The following WAPL variants were observed in gnomAD, a reference collection of about 807,000 sequenced individuals.
WAPL encodes the protein wings apart-like protein homolog.
WAPL carries 5 observed loss-of-function variants against 121.0 expected under a neutral mutation model. The ratio of observed to expected loss-of-function variants is 0.04; its 90% CI spans 0.02 to 0.09. WAPL has a LOEUF of 0.09. WAPL is among the 10% of genes least tolerant of loss of function. WAPL has a pLI of 1.00. For missense variants in WAPL, 999 were observed against 1,410.8 expected (o/e 0.71, Z 4.68); for synonymous variants, 480 against 481.5 (o/e 1.00, Z 0.04).
intron 4 of WAPL, among the ~76,000 whole-genome samples, chr10:86,483,784 A>AAATTT (rs1554829982): frequency 7.6e-6 from 1 of 131,434 alleles, no homozygotes; most frequent in African/African-American, 2.9e-5. Flanking sequence ...AAAAAAAAAA[A>AAATTT]TTTTTTTTTC....
In WAPL at chr10:86,438,011, T is replaced by G. The variant is rs145142403; in HGVS notation, c.3416A>C (p.Asn1139Thr). 2 of 1,612,488 alleles carry G rather than the reference T, an allele frequency of 1.2e-6. No homozygotes were observed. Among genetic ancestry groups the G allele is most frequent in the Non-Finnish European group, 1.7e-6 (2 of 1,178,908 alleles). The stretch of plus-strand genomic sequence containing the variant: ...CAGATATTCCCGCACAGTGGTTACA[T>G]TGATCTGAGGAAACAGAGCAAGAAA... ...LGCLCQESPI[N>T]VTTVREYLPE... is the part of the protein sequence containing the mutation. Residue 1139 changes from asparagine (N) to threonine (T), a missense_variant, in exon 18 of 19, where the codon AAT becomes ACT. Physicochemically the swap from Asn to Thr is moderately conservative, Grantham distance 65. Coordinates refer to ENST00000298767, the MANE Select transcript of WAPL (RefSeq NM_015045.5).
chr10:86,453,905 C>T (rs1841067776), intron 12 of WAPL, 74 bp from the exon 13 acceptor site: 3 of 1,226,624 alleles, frequency 2.4e-6, no homozygotes, highest in Non-Finnish European at 2.1e-6. Context: ...TTTACTTGAA[C>T]CTAAAGGCTA....
Position 86,494,188 on chromosome 10 carries a change from A to T in WAPL, c.1644+3013T>A, listed in dbSNP as rs902412165. ...CAGTTTCACTTAAAGCCCTTAATGA[A>T]GGAATAAAAATAGTTAATTTTATTA... On this transcript the variant is annotated intron_variant, in intron 4 of 18. Transcript: ENST00000298767. Among the ~76,000 whole-genome samples, 4 of 152,300 alleles carry T rather than the reference A, an allele frequency of 2.6e-5. 1 individual carries two copies. Among genetic ancestry groups the T allele is most frequent in the Admixed American group, 2.6e-4 (4 of 15,306 alleles).
chr10:86,497,898 G>C (rs898049206), intron 3 of WAPL, among the ~76,000 whole-genome samples: 1 of 152,160 alleles, frequency 6.6e-6, no homozygotes, highest in East Asian at 1.9e-4. Flanking sequence ...CAAAGAGTCA[G>C]TTTATTTCCC....
At chr10:86,448,931 A>T (rs1401982233) in intron 15 of WAPL, among the ~76,000 whole-genome samples, 1 of 152,192 alleles carries the variant, frequency 6.6e-6, no homozygotes, top group East Asian at 1.9e-4. Flanking sequence ...CTGCACATTT[A>T]TTTTGATATA....
chr10:86,457,136 A>G (rs1007217649), intron 12 of WAPL, among the ~76,000 whole-genome samples: 1 of 152,156 alleles, frequency 6.6e-6, no homozygotes. Context: ...TAACTTCAAT[A>G]ATCTTTGGTA....
chr10:86,518,567 G>C (rs1842605815), intron 1 of WAPL, among the ~76,000 whole-genome samples: 1 of 152,208 alleles, frequency 6.6e-6, no homozygotes, highest in Admixed American at 6.5e-5. Context: ...AATTAGCTGG[G>C]AGTGGTGGCA....
At chr10:86,521,197 G>A (rs996889097) in intron 1 of WAPL, among the ~76,000 whole-genome samples, 168 bp downstream of exon 1, 4 of 152,220 alleles carry the variant, frequency 2.6e-5, no homozygotes, top group Admixed American at 6.5e-5. Context: ...CTCCGAAAAA[G>A]GAAAATAAAA....
rs886264729 is a variant in WAPL at position 86,517,715 on chromosome 10, T to C, written c.355A>G (p.Ile119Val). Residue 119 changes from isoleucine (I) to valine (V), a missense_variant, in exon 2 of 19, where the codon ATT becomes GTT. Transcript: ENST00000298767. The part of the protein sequence containing the change: ...VTSVLEANSK[I>V]SHVVVEDTVV... ...GTGTCTTCAACGACCACATGACTAA[T>C]TTTGCTATTAGCTTCAAGTACTGAA... 1 of 1,614,058 alleles carries C rather than the reference T, an allele frequency of 6.2e-7. No individual in the cohort carries two copies. The highest frequency in any genetic ancestry group is 1.3e-5 in the African/African-American group (1 of 74,938).
chr10:86,456,178 C>A (rs1420737200), intron 12 of WAPL, among the ~76,000 whole-genome samples: 1 of 152,090 alleles, frequency 6.6e-6, no homozygotes, highest in Non-Finnish European at 1.5e-5. Context: ...AGAGAAGGAC[C>A]TTAGTTAAGG....
intron 2 of WAPL, among the ~76,000 whole-genome samples, chr10:86,512,502 G>C (rs945993146): frequency 6.6e-6 from 1 of 152,172 alleles, no homozygotes; most frequent in African/African-American, 2.4e-5. Flanking sequence ...TTGCATAAAA[G>C]GCAAGAGAAG....
chr10:86,471,148 AC>A (rs764513994), intron 7 of WAPL, 45 bp from the exon 8 acceptor site: 6 of 1,542,106 alleles, frequency 3.9e-6, no homozygotes, highest in Non-Finnish European at 5.4e-6. Flanking sequence ...AACAGCTAGT[AC>A]ATTAGTTTTG....
intron 12 of WAPL, among the ~76,000 whole-genome samples, chr10:86,454,360 C>CTCTCCCTCTCCCTCTCCCTCCACAA (rs879865129): frequency 4.0e-5 from 6 of 151,570 alleles, no homozygotes; most frequent in Non-Finnish European, 5.9e-5. Flanking sequence ...AGGATTCTCG[C>CTCTCCCTCTCCCTCTCCCTCCACAA]TCTCCCTCTC....
At chr10:86,504,708 C>T (rs1043192732) in intron 2 of WAPL, among the ~76,000 whole-genome samples, 8 of 151,760 alleles carry the variant, frequency 5.3e-5, no homozygotes, top group African/African-American at 1.9e-4. Context: ...TATAGTCCCA[C>T]CTAGAGCTAC....
In WAPL at chr10:86,436,064, G is replaced by C. The variant is rs1199799304; in HGVS notation, c.*1479C>G. On this transcript the variant is annotated 3_prime_UTR_variant, in exon 19 of 19. Transcript: ENST00000298767. ...GAAGAAAACAATTTGCCTGGAATCA[G>C]TTACTTCCTTACAGATTTCCCAACA... The C allele has an allele frequency of 6.6e-6, 1 of 152,570 alleles. No homozygotes were observed. Among genetic ancestry groups the C allele is most frequent in the Non-Finnish European group, 1.5e-5 (1 of 68,024 alleles). The allele number at this position is 152,570 out of a possible 1,614,324, so 9.5% of individuals were successfully genotyped here. A position where few individuals can be genotyped will look rare whatever the true frequency, so the allele number is the denominator to read the frequency against.
At chr10:86,455,683 T>TAAAAAAAAAAA (rs539594893) in intron 12 of WAPL, among the ~76,000 whole-genome samples, 2 of 29,056 alleles carry the variant, frequency 6.9e-5, no homozygotes, top group Non-Finnish European at 1.5e-4. Flanking sequence ...CAATAAATAC[T>TAAAAAAAAAAA]AAAAAAAAAA....
At chr10:86,520,680 ATGAT>A (rs1022938397) in intron 1 of WAPL, among the ~76,000 whole-genome samples, 2 of 151,830 alleles carry the variant, frequency 1.3e-5, no homozygotes, top group Non-Finnish European at 2.9e-5. Context: ...AAAGGAAAGA[ATGAT>A]TGACGACTAA....
intron 7 of WAPL, among the ~76,000 whole-genome samples, chr10:86,471,894 C>G (rs1841540509): frequency 6.6e-6 from 1 of 152,010 alleles, no homozygotes; most frequent in Admixed American, 6.6e-5. Flanking sequence ...CTTGGCTTCC[C>G]AAAATGCTGG....
At chr10:86,499,623 A>T (rs2132220458) in intron 3 of WAPL, 95 bp downstream of exon 3, 1 of 1,290,982 alleles carries the variant, frequency 7.7e-7, no homozygotes, top group East Asian at 2.4e-5. Flanking sequence ...TCTTTTCAGA[A>T]TATGGTTGAC....
Sources: gnomAD v4.1 joint callset for allele counts (sites outside exome capture counted in the v4.1 genomes callset) on GRCh38, gnomAD v4.1.1 for gene constraint, MANE v1.5 for transcripts, NCBI Gene and HGNC (gene_info 2026-07-23, HGNC 2026-07-21) for gene names.